NSD1: variants seen among roughly 807,000 people sequenced by gnomAD.
NSD1 encodes the protein histone-lysine N-methyltransferase, H3 lysine-36 specific.
In NSD1, 26 loss-of-function variants were observed where a neutral mutation model predicts 242.7. The ratio of observed to expected loss-of-function variants is 0.11; its 90% CI spans 0.08 to 0.15. NSD1 has a LOEUF of 0.15. Among genes scored for constraint, NSD1 ranks in the 10% least tolerant of loss-of-function variants. The pLI is 1.00. For missense variants in NSD1, 2,495 were observed against 3,272.8 expected, an observed-to-expected ratio of 0.76 and a Z score of 5.80; for synonymous variants, 1,106 against 1,178.1, an observed-to-expected ratio of 0.94 and a Z score of 1.25.
chr5:177,140,530 G>T (rs982491825), intron 2 of NSD1, among the ~76,000 whole-genome samples: 1 of 152,070 alleles, frequency 6.6e-6, no homozygotes, highest in Non-Finnish European at 1.5e-5. Flanking sequence ...TAGTAATTAA[G>T]ACTTAAGAAT....
At chr5:177,223,993 CA>C (rs1387550521) in intron 5 of NSD1, among the ~76,000 whole-genome samples, 1 of 151,936 alleles carries the variant, frequency 6.6e-6, no homozygotes, top group Non-Finnish European at 1.5e-5. Context: ...CTTGTCTCAA[CA>C]AAAAATAAAT....
intron 2 of NSD1, among the ~76,000 whole-genome samples, chr5:177,139,178 G>A (rs1426660926): frequency 6.6e-6 from 1 of 151,824 alleles, no homozygotes. Context: ...TTGAACCCGG[G>A]AGGCTGAGGT....
intron 18 of NSD1, among the ~76,000 whole-genome samples, chr5:177,281,932 T>C (rs1054256594): frequency 3.3e-5 from 5 of 152,160 alleles, no homozygotes; most frequent in African/African-American, 1.2e-4. Flanking sequence ...GAGCCATCAC[T>C]CTTGACTTGT....
chr5:177,206,026 G>A (rs1762843722), intron 4 of NSD1, among the ~76,000 whole-genome samples: 1 of 152,032 alleles, frequency 6.6e-6, no homozygotes, highest in African/African-American at 2.4e-5. Flanking sequence ...TTTAAACAGA[G>A]TCTTGCTCTG....
chr5:177,271,531 ATCTAACC>A (rs1192991299), intron 16 of NSD1, among the ~76,000 whole-genome samples: 2 of 152,206 alleles, frequency 1.3e-5, no homozygotes, highest in Non-Finnish European at 2.9e-5. Context: ...TAGGGCCAGA[ATCTAACC>A]TCTACACTGA....
intron 5 of NSD1, among the ~76,000 whole-genome samples, chr5:177,220,470 A>G (rs966917097): frequency 6.6e-6 from 1 of 151,332 alleles, no homozygotes; most frequent in Non-Finnish European, 1.5e-5. Flanking sequence ...AGCCTTTTAT[A>G]GATAGTACCT....
At chr5:177,187,482 TA>T (rs1049666725) in intron 2 of NSD1, among the ~76,000 whole-genome samples, 1 of 152,102 alleles carries the variant, frequency 6.6e-6, no homozygotes, top group African/African-American at 2.4e-5. Context: ...TTGTGAGGGG[TA>T]AGCAAAATAA....
chr5:177,151,120 A>G (rs1232617628), intron 2 of NSD1, among the ~76,000 whole-genome samples: 1 of 152,194 alleles, frequency 6.6e-6, no homozygotes, highest in Non-Finnish European at 1.5e-5. Context: ...GCTCACGCCT[A>G]TAATCCCAGC....
intron 2 of NSD1, among the ~76,000 whole-genome samples, chr5:177,175,062 G>A (rs1046209087): frequency 2.6e-5 from 4 of 151,336 alleles, no homozygotes; most frequent in South Asian, 2.1e-4. Flanking sequence ...TAGTAGAGAC[G>A]GGGTTTCACC....
At position 177,294,851 on chromosome 5, in the gene NSD1, A is replaced by G; in HGVS notation, c.7483A>G (p.Lys2495Glu). Reference protein sequence around the residue: ...VLESSSWPASKGLGHMPRAVE... With the variant: ...VLESSSWPASEGLGHMPRAVE... ...GGAGTCAAGTTCATGGCCTGCCAGCAAAGGTCTGGGGCATATGCCGAGAGC... is the reference window on the plus strand; with the variant it reads ...GGAGTCAAGTTCATGGCCTGCCAGCGAAGGTCTGGGGCATATGCCGAGAGC... The change falls in exon 23 of 23, where the codon AAA becomes GAA. Residue 2495 changes from lysine (K) to glutamate (E), a missense_variant. By Grantham distance (56) the Lys-to-Glu change is moderately conservative (BLOSUM62 1). Transcript: ENST00000439151. 1.2e-6 allele frequency: 2 copies of G among 1,612,978 alleles called. No individual in the cohort carries two copies. Among genetic ancestry groups the G allele is most frequent in the Non-Finnish European group, 1.7e-6 (2 of 1,179,990 alleles).
chr5:177,257,971 GC>G (rs1756655350), intron 13 of NSD1, among the ~76,000 whole-genome samples: 2 of 96,250 alleles, frequency 2.1e-5, no homozygotes, highest in Non-Finnish European at 4.5e-5. Flanking sequence ...GCCCCCCTGG[GC>G]CTTTTTTTTT....
intron 5 of NSD1, among the ~76,000 whole-genome samples, chr5:177,215,859 T>C (rs903545961): frequency 2.0e-5 from 3 of 152,210 alleles, no homozygotes; most frequent in African/African-American, 7.2e-5. Context: ...AAGTCCTTTG[T>C]CCATATACAT....
chr5:177,284,070 A>C, intron 20 of NSD1, 142 bp downstream of exon 20: 1 of 994,830 alleles, frequency 1.0e-6, no homozygotes, highest in Non-Finnish European at 1.6e-6. Flanking sequence ...TTTTTGTGCA[A>C]CCATCACCAC....
At chr5:177,206,431 T>TG (rs1349014443) in intron 4 of NSD1, among the ~76,000 whole-genome samples, 1 of 152,192 alleles carries the variant, frequency 6.6e-6, no homozygotes, top group Non-Finnish European at 1.5e-5. Flanking sequence ...TGAGATACCA[T>TG]GCTGGCAATA....
At chr5:177,137,256 C>G (rs569391894) in intron 2 of NSD1, 1 of 217,128 alleles carries the variant, frequency 4.6e-6, no homozygotes, top group South Asian at 1.8e-4. Context: ...TTTGTTTCTG[C>G]CCAAACACAT....
At chr5:177,225,385 T>C (rs1562230719) in intron 5 of NSD1, among the ~76,000 whole-genome samples, 1 of 152,126 alleles carries the variant, frequency 6.6e-6, no homozygotes. Context: ...TCAAGTAATC[T>C]GCCTGTCTGA....
chr5:177,176,016 T>C (rs546192577), intron 2 of NSD1, among the ~76,000 whole-genome samples: 4 of 152,024 alleles, frequency 2.6e-5, no homozygotes, highest in Non-Finnish European at 5.9e-5. Context: ...GCTGGGATTA[T>C]AGGCACATGC....
At chr5:177,233,904 A>G (rs1228955668) in intron 5 of NSD1, among the ~76,000 whole-genome samples, 1 of 152,218 alleles carries the variant, frequency 6.6e-6, no homozygotes, top group Non-Finnish European at 1.5e-5. Context: ...AAGAGTAAAT[A>G]TAAAAATGCT....
intron 3 of NSD1, among the ~76,000 whole-genome samples, chr5:177,199,010 A>G (rs1327444277): frequency 6.6e-6 from 1 of 152,190 alleles, no homozygotes; most frequent in Non-Finnish European, 1.5e-5. Flanking sequence ...TAGGTCCCCA[A>G]TTTGAGTTAG....
Sources: allele counts gnomAD v4.1 joint callset (sites outside exome capture counted in the v4.1 genomes callset), GRCh38; gene constraint gnomAD v4.1.1; transcripts MANE v1.5; gene names NCBI Gene and HGNC (gene_info 2026-07-23, HGNC 2026-07-21).